ENTREP2: variants seen among roughly 807,000 people sequenced by gnomAD.
ENTREP2 encodes the protein protein ENTREP2.
the ENTREP2 span, among the ~76,000 whole-genome samples, chr15:29,222,841 C>A: frequency 9.5e-4 from 144 of 152,274 alleles, 1 homozygote; most frequent in African/African-American, 3.3e-3. Context: ...CTAGAACATA[C>A]CATAAATACA....
the ENTREP2 span, among the ~76,000 whole-genome samples, chr15:29,228,840 C>G: frequency 6.6e-6 from 1 of 152,030 alleles, no homozygotes; most frequent in Admixed American, 6.6e-5. Context: ...ATGCTCATGA[C>G]TTAAATGATG....
the ENTREP2 span, chr15:29,123,165 A>G: frequency 1.6e-6 from 1 of 639,902 alleles, no homozygotes; most frequent in Non-Finnish European, 2.6e-6. Flanking sequence ...GCTCCCCTCG[A>G]GAGAGGGGGT....
At chr15:29,260,703 A>G in the ENTREP2 span, among the ~76,000 whole-genome samples, 4 of 152,248 alleles carry the variant, frequency 2.6e-5, no homozygotes, top group Admixed American at 6.5e-5. Flanking sequence ...TACAGACGAA[A>G]TAAGATTATC....
chr15:29,334,277 A>C, the ENTREP2 span, among the ~76,000 whole-genome samples: 1 of 152,126 alleles, frequency 6.6e-6, no homozygotes, highest in South Asian at 2.1e-4. Context: ...GTCACACTTC[A>C]AGGTCCCTGT....
the ENTREP2 span, among the ~76,000 whole-genome samples, chr15:29,352,204 G>A: frequency 6.6e-6 from 1 of 152,032 alleles, no homozygotes; most frequent in African/African-American, 2.4e-5. Context: ...CAAAGCACTG[G>A]GATTACAGGT....
the ENTREP2 span, among the ~76,000 whole-genome samples, chr15:29,492,927 C>G: frequency 2.0e-5 from 3 of 151,352 alleles, no homozygotes; most frequent in South Asian, 6.3e-4. Context: ...TCGCTTGAAC[C>G]CTGGAAGCGG....
chr15:29,570,647 G>T, the ENTREP2 span: 2 of 1,355,400 alleles, frequency 1.5e-6, no homozygotes, highest in Non-Finnish European at 1.9e-6. Context: ...GGAGCGGCCC[G>T]GGCACTCGCG....
the ENTREP2 span, chr15:29,269,829 T>C: frequency 1.0e-6 from 1 of 957,308 alleles, no homozygotes; most frequent in Non-Finnish European, 1.4e-6. Context: ...GACTGCGTGC[T>C]GCGTCATGAA....
the ENTREP2 span, among the ~76,000 whole-genome samples, chr15:29,324,781 G>C: frequency 6.6e-6 from 1 of 152,088 alleles, no homozygotes; most frequent in Non-Finnish European, 1.5e-5. Context: ...AGAACTGAAA[G>C]GAAAAATGGA....
At chr15:29,600,439 C>CCATCATCATCATCATCAT in the ENTREP2 span, among the ~76,000 whole-genome samples, 43 of 141,700 alleles carry the variant, frequency 3.0e-4, no homozygotes, top group South Asian at 4.4e-4. Context: ...TTCTCTCCCA[C>CCATCATCATCATCATCAT]CATCATCATC....
the ENTREP2 span, among the ~76,000 whole-genome samples, chr15:29,144,017 C>T: frequency 3.3e-5 from 5 of 152,080 alleles, no homozygotes; most frequent in East Asian, 5.8e-4. Flanking sequence ...TTTAAACCAC[C>T]GCAGGAAAAC....
the ENTREP2 span, among the ~76,000 whole-genome samples, chr15:29,636,070 G>A: frequency 8.5e-5 from 13 of 152,284 alleles, no homozygotes; most frequent in Admixed American, 2.0e-4. Flanking sequence ...AGTCTTCAAG[G>A]ACAGAAAGAA....
chr15:29,640,688 G>T, the ENTREP2 span, among the ~76,000 whole-genome samples: 1 of 128,234 alleles, frequency 7.8e-6, no homozygotes, highest in Non-Finnish European at 1.6e-5. Flanking sequence ...AAACCAAAAA[G>T]AAAAGAAAAG....
At chr15:29,290,727 G>T in the ENTREP2 span, among the ~76,000 whole-genome samples, 2 of 152,158 alleles carry the variant, frequency 1.3e-5, no homozygotes, top group African/African-American at 4.8e-5. Context: ...GTCTATCCGT[G>T]GGCCTCACCA....
the ENTREP2 span, chr15:29,267,606 T>C: frequency 6.6e-6 from 1 of 152,090 alleles, no homozygotes; most frequent in African/African-American, 2.4e-5. Context: ...GCTCTTATGT[T>C]CTATGTGGGG....
At chr15:29,607,798 GGATAGATAGATA>G in the ENTREP2 span, among the ~76,000 whole-genome samples, 20 of 149,946 alleles carry the variant, frequency 1.3e-4, no homozygotes, top group Admixed American at 1.3e-3. Flanking sequence ...TAGAATAGAG[GGATAGATAGATA>G]GATAGATAGA....
the ENTREP2 span, among the ~76,000 whole-genome samples, chr15:29,389,810 T>C: frequency 6.6e-6 from 1 of 151,598 alleles, no homozygotes; most frequent in Non-Finnish European, 1.5e-5. Flanking sequence ...ATTATTTGTT[T>C]ATTTGTTTCT....
the ENTREP2 span, among the ~76,000 whole-genome samples, chr15:29,493,958 T>C: frequency 4.6e-5 from 7 of 151,996 alleles, no homozygotes; most frequent in African/African-American, 1.5e-4. Flanking sequence ...GCCTGGCCAA[T>C]AGAGTGAGAC....
chr15:29,424,436 C>T, the ENTREP2 span, among the ~76,000 whole-genome samples: 4 of 152,276 alleles, frequency 2.6e-5, no homozygotes, highest in African/African-American at 9.6e-5. Context: ...AATCCTTTAG[C>T]TGGACACAAA....
Sources: gnomAD v4.1 joint callset for allele counts (sites outside exome capture counted in the v4.1 genomes callset) on GRCh38, gnomAD v4.1.1 for gene constraint, MANE v1.5 for transcripts, NCBI Gene and HGNC (gene_info 2026-07-23, HGNC 2026-07-21) for gene names.